RALGPS1: variants seen among roughly 807,000 people sequenced by gnomAD.
RALGPS1 encodes Ral GEF with PH domain and SH3 binding motif 1.
A neutral mutation model predicts 78.8 loss-of-function variants in RALGPS1; 19 were observed. The observed-to-expected ratio is 0.24, with a 90% CI of 0.17 to 0.35. The LOEUF (loss-of-function observed/expected upper bound fraction) is 0.35. Among genes scored for constraint, RALGPS1 ranks in the 10% least tolerant of loss-of-function variants. The pLI, the probability that RALGPS1 is intolerant of heterozygous loss-of-function variation, is 1.00. For missense variants in RALGPS1, 454 were observed against 688.3 expected, an observed-to-expected ratio of 0.66 and a Z score of 3.81; for synonymous variants, 228 against 256.3, an observed-to-expected ratio of 0.89 and a Z score of 1.06.
At chr9:126,975,148 G>A (rs2040484499) in intron 3 of RALGPS1, among the ~76,000 whole-genome samples, 2 of 151,958 alleles carry the variant, frequency 1.3e-5, no homozygotes, top group South Asian at 4.2e-4. Context: ...TATCTTTTTT[G>A]GTCAGAATTG....
chr9:126,941,140 T>C (rs9409300), intron 1 of RALGPS1, among the ~76,000 whole-genome samples: 3 of 130,152 alleles, frequency 2.3e-5, no homozygotes, highest in East Asian at 2.7e-4. Flanking sequence ...GCCCCCCCCC[T>C]TTAAAATTAT....
At chr9:126,922,772 C>T (rs1299271673) in intron 1 of RALGPS1, among the ~76,000 whole-genome samples, 1 of 152,232 alleles carries the variant, frequency 6.6e-6, no homozygotes, top group African/African-American at 2.4e-5. Context: ...TGAGAGTCCA[C>T]ATTTGTTCTT....
intron 11 of RALGPS1, among the ~76,000 whole-genome samples, chr9:127,192,550 T>A (rs2061127121): frequency 6.6e-6 from 1 of 152,084 alleles, no homozygotes; most frequent in Non-Finnish European, 1.5e-5. Flanking sequence ...CTCAGGAGGC[T>A]GAGCTGACAG....
intron 7 of RALGPS1, among the ~76,000 whole-genome samples, chr9:127,053,348 G>A (rs977211383): frequency 3.9e-5 from 6 of 152,172 alleles, no homozygotes; most frequent in Non-Finnish European, 7.3e-5. Flanking sequence ...TTTCTCTGGA[G>A]AAACCTGTGA....
chr9:126,962,454 A>G, intron 2 of RALGPS1, 108 bp downstream of exon 2: 1 of 1,146,414 alleles, frequency 8.7e-7, no homozygotes, highest in Non-Finnish European at 1.3e-6. Flanking sequence ...TGTGAATACC[A>G]CCATTCTTAG....
intron 8 of RALGPS1, among the ~76,000 whole-genome samples, chr9:127,142,815 G>A (rs1246007121): frequency 2.6e-5 from 4 of 152,112 alleles, no homozygotes; most frequent in African/African-American, 9.7e-5. Context: ...ATATACATTT[G>A]TGTGTGTATG....
At chr9:127,106,737 T>C (rs1344731895) in intron 8 of RALGPS1, among the ~76,000 whole-genome samples, 1 of 152,190 alleles carries the variant, frequency 6.6e-6, no homozygotes, top group Non-Finnish European at 1.5e-5. Flanking sequence ...CTGAAAACAA[T>C]GCTGCCCTTG....
At chr9:126,947,538 C>T (rs1423323047) in intron 1 of RALGPS1, among the ~76,000 whole-genome samples, 3 of 152,150 alleles carry the variant, frequency 2.0e-5, no homozygotes, top group Admixed American at 6.5e-5. Flanking sequence ...ATAAGGGATG[C>T]GCAACCTGTA....
intron 4 of RALGPS1, among the ~76,000 whole-genome samples, chr9:126,994,520 T>G (rs1017370778): frequency 6.6e-6 from 1 of 152,148 alleles, no homozygotes; most frequent in African/African-American, 2.4e-5. Flanking sequence ...CCAAGAAATA[T>G]GGGACTATGT....
At chr9:127,192,189 C>A (rs373493283) in intron 11 of RALGPS1, among the ~76,000 whole-genome samples, 6 of 152,174 alleles carry the variant, frequency 3.9e-5, no homozygotes, top group African/African-American at 9.7e-5. Context: ...GGGGCCCAGA[C>A]CAGTCAGTGA....
At chr9:127,000,690 A>G (rs543435595) in intron 4 of RALGPS1, among the ~76,000 whole-genome samples, 4 of 151,074 alleles carry the variant, frequency 2.6e-5, no homozygotes, top group African/African-American at 7.3e-5. Context: ...CTGGGATTAC[A>G]GTCATGCACC....
At chr9:126,998,139 G>A (rs2042947757) in intron 4 of RALGPS1, among the ~76,000 whole-genome samples, 1 of 152,150 alleles carries the variant, frequency 6.6e-6, no homozygotes, top group African/African-American at 2.4e-5. Flanking sequence ...AACACCAAAA[G>A]CAATGGCAAC....
intron 1 of RALGPS1, among the ~76,000 whole-genome samples, chr9:126,942,099 C>T (rs2131468372): frequency 6.6e-6 from 1 of 152,344 alleles, no homozygotes; most frequent in South Asian, 2.1e-4. Flanking sequence ...CACCCATCTT[C>T]CGAGTGTTGA....
chr9:127,176,565 C>T (rs530250443), intron 11 of RALGPS1, among the ~76,000 whole-genome samples: 3 of 152,308 alleles, frequency 2.0e-5, no homozygotes, highest in Non-Finnish European at 4.4e-5. Flanking sequence ...TCTGTCCTTC[C>T]GAGTCCCCTC....
chr9:126,936,716 CG>C (rs2131311253), intron 1 of RALGPS1, among the ~76,000 whole-genome samples: 1 of 152,004 alleles, frequency 6.6e-6, no homozygotes, highest in South Asian at 2.1e-4. Flanking sequence ...TTTTCAAACA[CG>C]TGAGGACACA....
chr9:126,979,111 C>CA (rs768631863), intron 4 of RALGPS1, among the ~76,000 whole-genome samples: 5 of 152,220 alleles, frequency 3.3e-5, no homozygotes, highest in Non-Finnish European at 7.3e-5. Context: ...TATCTTAACA[C>CA]AAAGTCACAG....
intron 1 of RALGPS1, 175 bp downstream of exon 1, chr9:126,915,150 G>A (rs2033978717): frequency 6.8e-6 from 1 of 146,772 alleles, no homozygotes; most frequent in Admixed American, 6.8e-5. Context: ...GGCGGGGCCG[G>A]GGCCGTGCCT....
In RALGPS1 at chr9:127,183,487, C is replaced by A. The variant is rs1251263469; in HGVS notation, c.910+8705C>A. The stretch of plus-strand genomic sequence containing the variant: ...CACCTCGGTCCACAGGAGGCCGTAC[C>A]TGTCCTCATTCTAACAGACCTGTGA... On this transcript the variant is annotated intron_variant, in intron 11 of 18. Coordinates refer to ENST00000259351, the MANE Select transcript of RALGPS1 (RefSeq NM_014636.3). The surrounding 1 kb of genome is among the most constrained non-coding windows in gnomAD (Gnocchi z 4.0). Among the ~76,000 whole-genome samples, 1 of 152,168 alleles carries A rather than the reference C, an allele frequency of 6.6e-6. No homozygotes were observed. The highest frequency in any genetic ancestry group is 2.4e-5 in the African/African-American group (1 of 41,436).
At chr9:127,104,695 G>T (rs1157106871) in intron 8 of RALGPS1, among the ~76,000 whole-genome samples, 1 of 152,254 alleles carries the variant, frequency 6.6e-6, no homozygotes, top group Non-Finnish European at 1.5e-5. Context: ...TACAGCTTCA[G>T]ATAAGCAGCC....
Sources: allele counts gnomAD v4.1 joint callset (sites outside exome capture counted in the v4.1 genomes callset), GRCh38; gene constraint gnomAD v4.1.1; non-coding constraint Gnocchi (gnomAD v3.1); transcripts MANE v1.5; gene names NCBI Gene and HGNC (gene_info 2026-07-23, HGNC 2026-07-21).